PRSS41: variants seen among roughly 807,000 people sequenced by gnomAD.
The protein encoded by PRSS41 is serine protease 41.
PRSS41 carries 37 observed loss-of-function variants against 28.8 expected under a neutral mutation model. That is an observed-to-expected ratio of 1.29 (90% CI 0.99 to 1.69). The LOEUF is 1.69. Among genes scored for constraint, PRSS41 ranks in the 40% most tolerant of loss-of-function variants. The pLI is 0.00. For missense variants in PRSS41, 431 were observed against 400.7 expected, an observed-to-expected ratio of 1.08 and a Z score of -0.65; for synonymous variants, 195 against 163.1, an observed-to-expected ratio of 1.20 and a Z score of -1.49.
intron 5 of PRSS41, 117 bp from the exon 6 acceptor site, chr16:2,804,797 T>G: frequency 1.1e-6 from 1 of 880,634 alleles, no homozygotes; most frequent in South Asian, 1.6e-5. Flanking sequence ...CTTGATTCCA[T>G]GGGAAGGAGT....
exon 6 of PRSS41, chr16:2,805,189 T>G: frequency 7.2e-7 from 1 of 1,388,750 alleles, no homozygotes; most frequent in Non-Finnish European, 9.9e-7. Context: ...GGGACCACAG[T>G]ATTGGCTCAC....
chr16:2,805,211 T>C (rs2069014202), exon 6 of PRSS41: 1 of 1,174,196 alleles, frequency 8.5e-7, no homozygotes, highest in African/African-American at 1.5e-5. Flanking sequence ...TCCTCTGGGC[T>C]GTGGGCGCTT....
intron 4 of PRSS41, among the ~76,000 whole-genome samples, chr16:2,803,092 G>C (rs73481119): frequency 0.042 from 6,414 of 152,096 alleles, 318 homozygotes; most frequent in African/African-American, 0.12. Flanking sequence ...TTTTAAAAGC[G>C]ATTTTATCAG....
Position 2,798,732 on chromosome 16 carries a change from C to T in PRSS41, c.91+70C>T, listed in dbSNP as rs554215101. On this transcript the variant is annotated intron_variant, in intron 2 of 5. Transcript: ENST00000399677. ...GGGGTGCACGGGGGCCCATCTACTG[C>T]TCTCTGTTCCAGGTCCCGAGAACGT... 8.4e-4 allele frequency: 1,134 copies of T among 1,343,910 alleles called. 5 individuals are homozygous for T. The highest frequency in any genetic ancestry group is 7.4e-4 in the Non-Finnish European group (758 of 1,028,690). The allele number at this position is 1,343,910 out of a possible 1,614,324, so 83.2% of individuals were successfully genotyped here.
intron 4 of PRSS41, among the ~76,000 whole-genome samples, chr16:2,802,531 G>T (rs1013167961): frequency 6.6e-5 from 10 of 152,282 alleles, no homozygotes; most frequent in East Asian, 1.9e-4. Flanking sequence ...CAAGGCAGGC[G>T]GCTGGGAGGT....
chr16:2,804,983 G>C lies in PRSS41; in HGVS notation c.769G>C (p.Gly257Arg), dbSNP rs751712838. The C allele has an allele frequency of 9.5e-6, 15 of 1,585,222 alleles. No individual in the cohort carries two copies. In the African/African-American group the frequency reaches 1.5e-4, roughly 16 times the overall value. The stretch of plus-strand genomic sequence containing the variant: ...GTATCAGGTTGGAATCGTGAGCTGG[G>C]GAATGGACTGCGGTCAACCCAATCG... The change falls in exon 6 of 6, where the codon GGA (glycine) becomes CGA (arginine). Residue 257 changes from glycine (G) to arginine (R), a missense_variant. Transcript: ENST00000399677.
intron 4 of PRSS41, 64 bp from the exon 5 acceptor site, chr16:2,804,325 C>T: frequency 6.6e-7 from 1 of 1,524,692 alleles, no homozygotes. Flanking sequence ...GCCCTTTCTC[C>T]TCTCCCTGCT....
chr16:2,798,908 G>GGGCCCCCCCCCCCCC, intron 2 of PRSS41, 51 bp from the exon 3 acceptor site: 1 of 1,415,398 alleles, frequency 7.1e-7, no homozygotes, highest in Non-Finnish European at 9.4e-7. Context: ...GGGCGGGCCT[G>GGGCCCCCCCCCCCCC]CCCACCCCAC....
In PRSS41 at chr16:2,798,562, G is replaced by C; in HGVS notation, c.64+14G>C. 1.3e-6 allele frequency: 2 copies of C among 1,532,102 alleles called. No homozygotes were observed. The highest frequency in any genetic ancestry group is 1.8e-6 in the Non-Finnish European group (2 of 1,141,042). 94.9% of individuals were successfully genotyped at this position (1,532,102 alleles called of 1,614,324 possible). On this transcript the variant is annotated intron_variant, in intron 1 of 5. Coordinates refer to ENST00000399677, the Ensembl canonical transcript of PRSS41. ...TCGGGAAGCCGGGTGAGCTCGGGGC[G>C]CTACAGGCGGGACCGGGGGCAGCGA...
At chr16:2,798,541 G>T in exon 1 of PRSS41, 1 of 1,532,622 alleles carries the variant, frequency 6.5e-7, no homozygotes, top group Non-Finnish European at 8.8e-7. Context: ...CTGGACTCGG[G>T]AAGCCGGGTG....
At chr16:2,799,684 C>A in intron 4 of PRSS41, 115 bp downstream of exon 4, 1 of 1,061,734 alleles carries the variant, frequency 9.4e-7, no homozygotes, top group Non-Finnish European at 1.4e-6. Context: ...GGGCTGCAAC[C>A]TGCGCCCCTC....
At chr16:2,804,449 G>A in exon 5 of PRSS41, 1 of 1,551,624 alleles carries the variant, frequency 6.4e-7, no homozygotes, top group Non-Finnish European at 8.7e-7. Context: ...AACAACACCA[G>A]GTGTAATTAC....
chr16:2,804,854 A>G (rs1596310400), intron 5 of PRSS41, 60 bp from the exon 6 acceptor site: 4 of 1,323,298 alleles, frequency 3.0e-6, no homozygotes, highest in Non-Finnish European at 4.3e-6. Flanking sequence ...TCCTGCTCTC[A>G]TGGCCTCTGC....
intron 4 of PRSS41, among the ~76,000 whole-genome samples, chr16:2,804,023 C>G (rs2069004965): frequency 6.6e-6 from 1 of 152,150 alleles, no homozygotes; most frequent in East Asian, 1.9e-4. Context: ...CAAGTTTTGA[C>G]CTGGATCCCA....
chr16:2,802,170 T>C (rs1169146420), intron 4 of PRSS41, among the ~76,000 whole-genome samples: 2,042 of 145,728 alleles, frequency 0.014, 40 homozygotes, highest in Admixed American at 0.052. Flanking sequence ...TCAGACGGGG[T>C]GGCCGGGCAG....
At chr16:2,798,752 G>C (rs2068964873) in intron 2 of PRSS41, 90 bp downstream of exon 2, 1 of 1,287,942 alleles carries the variant, frequency 7.8e-7, no homozygotes, top group South Asian at 1.6e-5. Context: ...CAGGTCCCGA[G>C]AACGTGATGC....
Position 2,803,043 on chromosome 16 carries a change from A to T in PRSS41, c.542-1346A>T, listed in dbSNP as rs114362816. ...TGTGTGTTTCACTGGATCTAAAGTG[A>T]CTCTCTTATAAGGAGCACCTATCTG... On this transcript the variant is annotated intron_variant, in intron 4 of 5. Transcript: ENST00000399677. Among the ~76,000 whole-genome samples the T allele has an allele frequency of 2.1e-3, 320 of 151,414 alleles. 1 individual carries two copies. Among genetic ancestry groups the T allele is most frequent in the African/African-American group, 7.4e-3 (304 of 41,070 alleles).
Position 2,801,337 on chromosome 16 carries a change from T to A in PRSS41, c.541+1768T>A, listed in dbSNP as rs116586506. 9.1e-3 allele frequency among the ~76,000 whole-genome samples: 1,332 copies of A among 146,422 alleles called. 21 individuals carry two copies. The highest frequency in any genetic ancestry group is 0.031 in the African/African-American group (1,250 of 39,892). On this transcript the variant is annotated intron_variant, in intron 4 of 5. Coordinates refer to ENST00000399677, the Ensembl canonical transcript of PRSS41. ...ATGTAATGTTGTTCTTGGACTCTTA[T>A]TTTTTTTTTTAATTTTTTTTTTATT...
At position 2,804,543 on chromosome 16, in the gene PRSS41, C is replaced by A; in HGVS notation, c.696C>A (p.Cys232Ter). ...CTGAGGATGGCAGTGTAGACACCTG[C>A]AAAGTGAGTGCCTCTACCCCACCAG... The change falls in exon 5 of 6, where the codon TGC (cysteine) becomes TGA (stop). Residue 232 changes from cysteine (C) to a stop codon, truncating the protein, a stop_gained. Transcript: ENST00000399677. LOFTEE classifies it low-confidence loss of function (END_TRUNC). 3 of 1,550,550 alleles carry A rather than the reference C, an allele frequency of 1.9e-6. No individual in the cohort carries two copies. Among genetic ancestry groups the A allele is most frequent in the Non-Finnish European group, 2.6e-6 (3 of 1,146,946 alleles).
Sources: allele counts gnomAD v4.1 joint callset (sites outside exome capture counted in the v4.1 genomes callset), GRCh38; gene constraint gnomAD v4.1.1; transcripts MANE v1.5; gene names NCBI Gene and HGNC (gene_info 2026-07-23, HGNC 2026-07-21).